LLGL2: variants seen among roughly 807,000 people sequenced by gnomAD.
LLGL2 encodes LLGL2, scribble cell polarity complex component.
LLGL2 carries 81 observed loss-of-function variants against 123.2 expected under a neutral mutation model. The ratio of observed to expected loss-of-function variants is 0.66; its 90% CI spans 0.55 to 0.79. The LOEUF (loss-of-function observed/expected upper bound fraction) is 0.79. LLGL2 is among the 30% of genes least tolerant of loss of function. The probability of loss-of-function intolerance (pLI) is 0.00; values close to 1 mark genes in which losing one functional copy is unlikely to be tolerated. For synonymous variants in LLGL2, 577 were observed against 594.1 expected (o/e 0.97, Z 0.42); for missense variants, 1,273 against 1,414.6 (o/e 0.90, Z 1.61).
chr17:75,558,486 A>G lies in LLGL2; in HGVS notation c.256-26A>G. 1 of 1,540,944 alleles carries G rather than the reference A, an allele frequency of 6.5e-7. No individual in the cohort carries two copies. The highest frequency in any genetic ancestry group is 1.2e-5 in the South Asian group (1 of 84,562). ...GGCCTTGCCTGGGTAGCAAGACCAC[A>G]TGATCCCGTCGTGTGCCCTCGCCAG... On this transcript the variant is annotated intron_variant, in intron 4 of 25. Coordinates refer to ENST00000392550, the MANE Select transcript of LLGL2 (RefSeq NM_001031803.2). This position sits in a 1 kb window ranked among gnomAD's most constrained non-coding sequence, Gnocchi z 4.0.
chr17:75,574,179 G>A lies in LLGL2; in HGVS notation c.2906-34G>A, dbSNP rs529133132. 1.9e-5 allele frequency: 29 copies of A among 1,520,806 alleles called. No homozygotes were observed. The East Asian group carries it at 7.1e-4, about 37-fold the overall frequency. 94.2% of individuals were successfully genotyped at this position (1,520,806 alleles called of 1,614,324 possible). A position where few individuals can be genotyped will look rare whatever the true frequency, so the allele number is the denominator to read the frequency against. On this transcript the variant is annotated intron_variant, in intron 22 of 25. Coordinates refer to ENST00000392550, the MANE Select transcript of LLGL2 (RefSeq NM_001031803.2). The stretch of plus-strand genomic sequence containing the variant: ...AGAGAGCCAGGCCGAGGAGGGCCCA[G>A]GCGGGGCGCCCTGACCCGGCCTCTA...
intron 10 of LLGL2, among the ~76,000 whole-genome samples, chr17:75,565,827 C>T (rs925567914): frequency 1.3e-5 from 2 of 152,154 alleles, no homozygotes; most frequent in African/African-American, 4.8e-5. Context: ...TCTGCTGTGC[C>T]GGGTTGTGAC....
chr17:75,531,282 C>T (rs983677007), intron 1 of LLGL2, among the ~76,000 whole-genome samples: 4 of 152,202 alleles, frequency 2.6e-5, no homozygotes, highest in Admixed American at 2.6e-4. Flanking sequence ...CCCCTGCCCG[C>T]ACTGTGGGAG....
intron 1 of LLGL2, chr17:75,543,169 C>A (rs576818125): frequency 6.2e-6 from 2 of 322,104 alleles, no homozygotes; most frequent in Middle Eastern, 8.5e-4. Flanking sequence ...TTCCTACCCC[C>A]ATTATAAGGC....
rs537820115 is a variant in LLGL2 at position 75,573,233 on chromosome 17, G to A, written c.2680G>A (p.Asp894Asn). The part of the protein sequence containing the change: ...QVRYSCIRRE[D>N]VSGIASCVFT... ...GCGCTACAGCTGCATCCGCCGGGAG[G>A]ACGTCAGTGGCATCGCCTCCTGCGT... Residue 894 changes from aspartate to asparagine, a missense_variant, in exon 20 of 26, where the codon GAC becomes AAC. By Grantham distance (23) the Asp-to-Asn change is conservative. Transcript: ENST00000392550. 1 of 1,609,870 alleles carries A rather than the reference G, an allele frequency of 6.2e-7. No individual in the cohort carries two copies. The highest frequency in any genetic ancestry group is 8.5e-7 in the Non-Finnish European group (1 of 1,177,418).
At chr17:75,536,478 C>T (rs535968112) in intron 1 of LLGL2, among the ~76,000 whole-genome samples, 5 of 152,322 alleles carry the variant, frequency 3.3e-5, no homozygotes, top group East Asian at 1.9e-4. Context: ...CCCGCCTTTC[C>T]GGGCCTAACT....
chr17:75,553,334 G>C (rs567965247), intron 2 of LLGL2, among the ~76,000 whole-genome samples: 1 of 152,084 alleles, frequency 6.6e-6, no homozygotes, highest in African/African-American at 2.4e-5. Context: ...CGTCTCCCCC[G>C]ACCTTTTTGT....
intron 6 of LLGL2, chr17:75,562,374 G>C (rs1454919702): frequency 6.5e-6 from 1 of 153,252 alleles, no homozygotes; most frequent in Non-Finnish European, 1.5e-5. Flanking sequence ...ATAGAACTTT[G>C]ATGCCCTCCG....
chr17:75,570,344 C>T lies in LLGL2; in HGVS notation c.1875-4C>T, dbSNP rs773441984. The T allele has an allele frequency of 1.9e-6, 3 of 1,611,610 alleles. No individual in the cohort carries two copies. The highest frequency in any genetic ancestry group is 2.2e-5 in the East Asian group (1 of 44,822). ...CAGCACTGACAGCCTGCCATCCCCCCAAGGTGCACACTGCACCCCAGTGAC... is the reference window on the plus strand; with the variant it reads ...CAGCACTGACAGCCTGCCATCCCCCTAAGGTGCACACTGCACCCCAGTGAC... On this transcript the variant is annotated splice_polypyrimidine_tract_variant and splice_region_variant and intron_variant, in intron 15 of 25. Coordinates refer to ENST00000392550, the MANE Select transcript of LLGL2 (RefSeq NM_001031803.2).
intron 23 of LLGL2, 86 bp from the exon 24 acceptor site, chr17:75,574,367 G>A: frequency 1.3e-6 from 2 of 1,535,452 alleles, no homozygotes; most frequent in Non-Finnish European, 1.8e-6. Context: ...ACAGATCCAT[G>A]GGCACCCACG....
Position 75,564,307 on chromosome 17 carries a change from C to T in LLGL2, c.882-46C>T. Reference sequence around the variant, plus strand: ...GATTGCCGGCCTGTGGCTGTTGAGGCTGTGCCAGGAGCCCCAGCCCACTGC... The same window carrying T: ...GATTGCCGGCCTGTGGCTGTTGAGGTTGTGCCAGGAGCCCCAGCCCACTGC... On this transcript the variant is annotated intron_variant, in intron 9 of 25. Coordinates refer to ENST00000392550, the MANE Select transcript of LLGL2 (RefSeq NM_001031803.2). This position sits in a 1 kb window ranked among gnomAD's most constrained non-coding sequence, Gnocchi z 4.9. 1 of 1,564,038 alleles carries T rather than the reference C, an allele frequency of 6.4e-7. No homozygotes were observed. The highest frequency in any genetic ancestry group is 8.6e-7 in the Non-Finnish European group (1 of 1,157,228).
At chr17:75,569,357 G>T (rs1483689997) in intron 14 of LLGL2, 32 bp downstream of exon 14, 1 of 1,562,658 alleles carries the variant, frequency 6.4e-7, no homozygotes. Flanking sequence ...GGGGAGCTGG[G>T]GAGGAGTGGT....
Position 75,563,809 on chromosome 17 carries a change from A to G in LLGL2, c.881+3A>G, listed in dbSNP as rs1486009519. 1.2e-6 allele frequency: 2 copies of G among 1,613,786 alleles called. No individual in the cohort carries two copies. The highest frequency in any genetic ancestry group is 1.3e-5 in the African/African-American group (1 of 75,044). ...CTCTGGCTGACCACTAGGCAGGGGTAGGTATCCATGCTGGTCCTCTTTCCT... is the reference window on the plus strand; with the variant it reads ...CTCTGGCTGACCACTAGGCAGGGGTGGGTATCCATGCTGGTCCTCTTTCCT... On this transcript the variant is annotated splice_donor_region_variant and intron_variant, in intron 9 of 25. Transcript: ENST00000392550.
intron 9 of LLGL2, 42 bp downstream of exon 9, chr17:75,563,848 C>T (rs370885909): frequency 6.2e-7 from 1 of 1,601,486 alleles, no homozygotes; most frequent in Non-Finnish European, 8.6e-7. Context: ...CAGAGCCTTC[C>T]TGGAGGGCTA....
At position 75,574,937 on chromosome 17, in the gene LLGL2, G is replaced by T. The variant is rs1301906659; in HGVS notation, c.*59G>T. ...CACTACTACTGATGGCCTTTCGGGG[G>T]TCCCTGCCCCAACCGGAGAGGCCGG... On this transcript the variant is annotated 3_prime_UTR_variant, in exon 26 of 26. Coordinates refer to ENST00000392550, the MANE Select transcript of LLGL2 (RefSeq NM_001031803.2). 1.2e-6 allele frequency: 2 copies of T among 1,613,210 alleles called. No homozygotes were observed. Among genetic ancestry groups the T allele is most frequent in the South Asian group, 2.2e-5 (2 of 91,078 alleles).
intron 1 of LLGL2, chr17:75,532,420 T>C (rs1255871317): frequency 6.6e-6 from 1 of 151,592 alleles, no homozygotes; most frequent in Non-Finnish European, 1.5e-5. Flanking sequence ...CCAGCTAATT[T>C]TTTTCTTTGT....
intron 6 of LLGL2, among the ~76,000 whole-genome samples, chr17:75,560,817 A>AC (rs1319563802): frequency 2.9e-4 from 32 of 108,878 alleles, no homozygotes; most frequent in Non-Finnish European, 4.2e-4. Flanking sequence ...AAAAAAAAAA[A>AC]AAAAAAAAAA....
At position 75,575,113 on chromosome 17, in the gene LLGL2, T is replaced by C. The variant is rs945649021; in HGVS notation, c.*235T>C. 3.3e-5 allele frequency: 20 copies of C among 602,854 alleles called. No individual in the cohort carries two copies. Among genetic ancestry groups the C allele is most frequent in the Non-Finnish European group, 5.6e-5 (19 of 337,684 alleles). The allele number at this position is 602,854 out of a possible 1,614,324, so 37.3% of individuals were successfully genotyped here. ...TTGGTCAATGTTGCACAGTTTTTAT[T>C]GCTCCCATCCCTTTTTGTAGTGGGC... On this transcript the variant is annotated 3_prime_UTR_variant, in exon 26 of 26. Coordinates refer to ENST00000392550, the MANE Select transcript of LLGL2 (RefSeq NM_001031803.2).
At position 75,575,021 on chromosome 17, in the gene LLGL2, GGCCT is replaced by G. The variant is rs2055910105; in HGVS notation, c.*144_*147del. 1 of 1,184,218 alleles carries G rather than the reference GGCCT, an allele frequency of 8.4e-7. No homozygotes were observed. The highest frequency in any genetic ancestry group is 1.5e-5 in the African/African-American group (1 of 66,512). 73.4% of individuals were successfully genotyped at this position (1,184,218 alleles called of 1,614,324 possible). A position where few individuals can be genotyped will look rare whatever the true frequency, so the allele number is the denominator to read the frequency against. On this transcript the variant is annotated 3_prime_UTR_variant, in exon 26 of 26. Transcript: ENST00000392550. ...CGGCTTCCACAATGCAGCTGCTCTG[GGCCT>G]CGGGAGAGGAGAGACCCCAGTCCCC...
Sources: gnomAD v4.1 joint callset for allele counts (sites outside exome capture counted in the v4.1 genomes callset) on GRCh38, gnomAD v4.1.1 for gene constraint, Gnocchi (gnomAD v3.1) non-coding constraint, MANE v1.5 for transcripts, NCBI Gene and HGNC (gene_info 2026-07-23, HGNC 2026-07-21) for gene names.